Variants in KLKB1 observed in about 807,000 individuals in gnomAD.
KLKB1 encodes the protein kallikrein B1.
Under a neutral mutation model 73.6 loss-of-function variants are expected in KLKB1, and 58 were observed. That is an observed-to-expected ratio of 0.79 (90% confidence interval 0.64 to 0.98). The LOEUF is 0.98. KLKB1 is among the 50% of genes least tolerant of loss of function. The probability of loss-of-function intolerance (pLI) is 0.00; values close to 1 mark genes in which losing one functional copy is unlikely to be tolerated. For missense variants in KLKB1, 737 were observed against 763.8 expected (o/e 0.96, Z 0.41); for synonymous variants, 280 against 258.1 (o/e 1.08, Z -0.81).
chr4:186,211,884 AC>A (rs1050006836), intron 2 of KLKB1: 3 of 152,116 alleles, frequency 2.0e-5, no homozygotes, highest in Non-Finnish European at 4.4e-5. Context: ...TTGATCGTGC[AC>A]TTATAGTCTT....
chr4:186,246,537 A>G (rs1409862505), intron 6 of KLKB1, among the ~76,000 whole-genome samples: 2 of 152,182 alleles, frequency 1.3e-5, no homozygotes, highest in African/African-American at 2.4e-5. Context: ...TCGAGTTTGT[A>G]TTGGGGTTAA....
rs1739129201 is a variant in KLKB1 at position 186,258,286 on chromosome 4, T to C, written c.*74T>C. The C allele has an allele frequency of 2.4e-6, 3 of 1,237,804 alleles. No homozygotes were observed. The highest frequency in any genetic ancestry group is 3.9e-5 in the Admixed American group (2 of 51,658). The allele number at this position is 1,237,804 out of a possible 1,614,324, so 76.7% of individuals were successfully genotyped here. The stretch of plus-strand genomic sequence containing the variant: ...ATTCTGAGCCTGGGGGGTCCTCATC[T>C]GCAAAGCATGGAGAGTGGCATCTTC... On this transcript the variant is annotated 3_prime_UTR_variant, in exon 15 of 15. Transcript: ENST00000264690.
At chr4:186,221,586 T>C (rs1037187259), upstream of KLKB1, among the ~76,000 whole-genome samples, 22 of 152,190 alleles carry the variant, frequency 1.4e-4, no homozygotes, top group African/African-American at 5.1e-4. Context: ...AATTTTCATG[T>C]ATTTGTGAAT....
chr4:186,217,789 A>T (rs1736940161), intron 2 of KLKB1, among the ~76,000 whole-genome samples: 1 of 152,194 alleles, frequency 6.6e-6, no homozygotes, highest in Admixed American at 6.5e-5. Flanking sequence ...TTAAAAATAA[A>T]ATTAAAATAG....
upstream of KLKB1, among the ~76,000 whole-genome samples, chr4:186,221,761 C>T (rs1413411888): frequency 1.3e-5 from 2 of 152,156 alleles, no homozygotes; most frequent in Non-Finnish European, 2.9e-5. Flanking sequence ...AATGTGCATT[C>T]TGCTGCTTTT....
intron 6 of KLKB1, among the ~76,000 whole-genome samples, chr4:186,245,582 G>A (rs539107378): frequency 7.2e-5 from 11 of 152,274 alleles, no homozygotes; most frequent in African/African-American, 2.4e-4. Flanking sequence ...ACAAGATCCT[G>A]ATGGAGGAGG....
intron 4 of KLKB1, among the ~76,000 whole-genome samples, chr4:186,235,966 T>A (rs1199539201): frequency 6.6e-6 from 1 of 151,484 alleles, no homozygotes; most frequent in African/African-American, 2.4e-5. Flanking sequence ...ATACAAAAAT[T>A]AGCCGGGCGT....
intron 2 of KLKB1, chr4:186,212,075 T>C (rs983501300): frequency 6.6e-6 from 1 of 152,178 alleles, no homozygotes; most frequent in African/African-American, 2.4e-5. Context: ...GGGAATAGAA[T>C]CAATAAGACA....
At chr4:186,226,220 T>G (rs1401379214), upstream of KLKB1, among the ~76,000 whole-genome samples, 2 of 99,974 alleles carry the variant, frequency 2.0e-5, no homozygotes, top group Non-Finnish European at 3.9e-5. Flanking sequence ...TTATTGAGCT[T>G]TCTTAAGGCA....
At chr4:186,221,537 G>C (rs1737032563), upstream of KLKB1, among the ~76,000 whole-genome samples, 1 of 151,504 alleles carries the variant, frequency 6.6e-6, no homozygotes. Flanking sequence ...TTTTCCTTTT[G>C]ATTTCTTCTT....
intron 6 of KLKB1, among the ~76,000 whole-genome samples, chr4:186,241,190 G>T (rs994162609): frequency 6.6e-6 from 1 of 152,124 alleles, no homozygotes; most frequent in African/African-American, 2.4e-5. Context: ...GAGTAGGGCT[G>T]TCTCCTGGCC....
At chr4:186,218,648 GTGTGCGCA>G (rs1240909320) in intron 2 of KLKB1, among the ~76,000 whole-genome samples, 1 of 143,350 alleles carries the variant, frequency 7.0e-6, no homozygotes, top group African/African-American at 2.6e-5. Flanking sequence ...GTGTGTGTGT[GTGTGCGCA>G]TGTGTGTGTG....
chr4:186,254,833 A>C (rs1738898923), intron 12 of KLKB1, 70 bp downstream of exon 12: 1 of 1,363,558 alleles, frequency 7.3e-7, no homozygotes, highest in South Asian at 1.2e-5. Flanking sequence ...AGTTTGAACA[A>C]GAGGGCAGAC....
upstream of KLKB1, among the ~76,000 whole-genome samples, chr4:186,225,682 T>C (rs188659227): frequency 6.6e-6 from 1 of 152,024 alleles, no homozygotes; most frequent in African/African-American, 2.4e-5. Flanking sequence ...GATCCACCCA[T>C]CTTGGCCTCC....
chr4:186,212,905 C>T (rs988727822), intron 2 of KLKB1: 1 of 152,072 alleles, frequency 6.6e-6, no homozygotes, highest in African/African-American at 2.4e-5. Context: ...GGAGGTGATA[C>T]AATTGGAAAT....
chr4:186,254,749 C>A lies in KLKB1; in HGVS notation c.1475C>A (p.Pro492His). 3 of 1,613,110 alleles carry A rather than the reference C, an allele frequency of 1.9e-6. No homozygotes were observed. Among genetic ancestry groups the A allele is most frequent in the Non-Finnish European group, 2.5e-6 (3 of 1,179,108 alleles). ...HDIALIKLQA[P>H]LNYTEFQKPI... is the part of the protein sequence containing the mutation. ...ATCGCCTTGATAAAACTCCAGGCTCCTTTGAATTACACTGGTATGTAGCAT... is the reference window on the plus strand; with the variant it reads ...ATCGCCTTGATAAAACTCCAGGCTCATTTGAATTACACTGGTATGTAGCAT... Residue 492 changes from proline to histidine, a missense_variant, in exon 12 of 15, where the codon CCT becomes CAT. Transcript: ENST00000264690.
intron 2 of KLKB1, among the ~76,000 whole-genome samples, chr4:186,230,711 G>C (rs1428637457): frequency 6.6e-6 from 1 of 152,158 alleles, no homozygotes; most frequent in African/African-American, 2.4e-5. Context: ...GCAGTTCACA[G>C]AGGCTCAGTT....
intron 12 of KLKB1, among the ~76,000 whole-genome samples, 169 bp from the exon 13 acceptor site, chr4:186,255,823 G>A (rs753936068): frequency 2.6e-5 from 4 of 152,126 alleles, no homozygotes; most frequent in Non-Finnish European, 5.9e-5. Flanking sequence ...GAAAAATGGT[G>A]GTGACAAATT....
rs763537389 is a variant in KLKB1, at chr4:186,258,208, C to T, written c.1913C>T (p.Ala638Val). 1 of 1,613,628 alleles carries T rather than the reference C, an allele frequency of 6.2e-7. No homozygotes were observed. Among genetic ancestry groups the T allele is most frequent in the Non-Finnish European group, 8.5e-7 (1 of 1,179,780 alleles). The change falls in exon 15 of 15, where the codon GCA becomes GTA. Residue 638 changes from alanine (A) to valine (V), a missense_variant. Coordinates refer to ENST00000264690, the MANE Select transcript of KLKB1 (RefSeq NM_000892.5). Reference protein sequence around the residue: ...SDGKAQMQSPA With the variant: ...SDGKAQMQSPV ...GGAAAAGCTCAGATGCAGTCACCAG[C>T]ATGAGAAGCAGTCCAGAGTCTAGGC...
Sources: gnomAD v4.1 joint callset for allele counts (sites outside exome capture counted in the v4.1 genomes callset) on GRCh38, gnomAD v4.1.1 for gene constraint, MANE v1.5 for transcripts, NCBI Gene and HGNC (gene_info 2026-07-23, HGNC 2026-07-21) for gene names.